Variants in PLCE1 observed in about 807,000 individuals in gnomAD.
PLCE1 encodes phospholipase C epsilon 1.
Under a neutral mutation model 242.8 loss-of-function variants are expected in PLCE1, and 119 were observed. That is an observed-to-expected ratio of 0.49 (90% CI 0.42 to 0.57). PLCE1 has a LOEUF of 0.57. PLCE1 is among the 20% of genes least tolerant of loss of function. The pLI is 0.00. For missense variants in PLCE1, 2,441 were observed against 2,788.8 expected, an observed-to-expected ratio of 0.88 and a Z score of 2.81; for synonymous variants, 945 against 1,017.4, an observed-to-expected ratio of 0.93 and a Z score of 1.35.
At chr10:94,072,252 ATTTCTTTC>A (rs374238643) in intron 2 of PLCE1, among the ~76,000 whole-genome samples, 2 of 150,938 alleles carry the variant, frequency 1.3e-5, no homozygotes, top group Non-Finnish European at 1.5e-5. Flanking sequence ...TGAATTACCC[ATTTCTTTC>A]TTTCTTTCTT....
At chr10:94,254,001 A>G (rs990230907) in intron 9 of PLCE1, among the ~76,000 whole-genome samples, 189 bp from the exon 10 acceptor site, 1 of 152,214 alleles carries the variant, frequency 6.6e-6, no homozygotes, top group Non-Finnish European at 1.5e-5. Flanking sequence ...GTACTGCTGT[A>G]TAGTAAAGAA....
intron 4 of PLCE1, among the ~76,000 whole-genome samples, chr10:94,172,796 C>T (rs1255357282): frequency 6.6e-6 from 1 of 152,164 alleles, no homozygotes; most frequent in Admixed American, 6.6e-5. Context: ...CATTATACTC[C>T]AGCCTGGGTG....
At chr10:94,181,722 T>A (rs576636345) in intron 4 of PLCE1, among the ~76,000 whole-genome samples, 338 of 152,042 alleles carry the variant, frequency 2.2e-3, no homozygotes, top group South Asian at 8.3e-3. Flanking sequence ...AAACCAGAAG[T>A]TCAAGACCAA....
intron 2 of PLCE1, among the ~76,000 whole-genome samples, chr10:94,101,672 G>A (rs940041042): frequency 6.6e-6 from 1 of 152,294 alleles, no homozygotes. Flanking sequence ...AAGATGTGCC[G>A]GAGTGATGGT....
intron 2 of PLCE1, among the ~76,000 whole-genome samples, chr10:94,116,976 AC>A (rs2046151634): frequency 6.6e-6 from 1 of 151,914 alleles, no homozygotes. Flanking sequence ...TTCCCTGTCC[AC>A]TCCCAGGACC....
chr10:94,157,758 G>A (rs1324416972), intron 3 of PLCE1, among the ~76,000 whole-genome samples: 2 of 152,226 alleles, frequency 1.3e-5, no homozygotes, highest in African/African-American at 2.4e-5. Context: ...TTCAGCCCAA[G>A]TCCTGCCTCA....
chr10:94,155,223 A>G (rs1408289194), intron 3 of PLCE1, among the ~76,000 whole-genome samples: 1 of 152,206 alleles, frequency 6.6e-6, no homozygotes, highest in Non-Finnish European at 1.5e-5. Context: ...CAAAAAATGT[A>G]AACAAACCAA....
chr10:94,204,802 G>A (rs1167147626), intron 4 of PLCE1, among the ~76,000 whole-genome samples: 61 of 37,078 alleles, frequency 1.6e-3, no homozygotes, highest in African/African-American at 5.0e-3. Context: ...AAGGAAGGAA[G>A]CAAAATAATG....
intron 3 of PLCE1, among the ~76,000 whole-genome samples, chr10:94,153,615 A>T (rs376582876): frequency 2.0e-5 from 3 of 152,164 alleles, no homozygotes; most frequent in Non-Finnish European, 4.4e-5. Flanking sequence ...CTATTATCAG[A>T]TGATCTACTC....
At chr10:94,192,349 T>TC (rs2048694177) in intron 4 of PLCE1, among the ~76,000 whole-genome samples, 1 of 152,138 alleles carries the variant, frequency 6.6e-6, no homozygotes, top group African/African-American at 2.4e-5. Context: ...CTCCCTCTCT[T>TC]CCCCCTCTAG....
Position 94,306,117 on chromosome 10 carries a change from G to A in PLCE1, c.5623-310G>A, listed in dbSNP as rs1277577837. Among the ~76,000 whole-genome samples the A allele has an allele frequency of 2.0e-5, 3 of 151,760 alleles. No individual in the cohort carries two copies. The highest frequency in any genetic ancestry group is 2.9e-5 in the Non-Finnish European group (2 of 67,966). Reference sequence around the variant, plus strand: ...CTCCCTAATAGCTGGGACTACAGGCGCACACCACCATGCCCAGCTAATTTT... The same window carrying A: ...CTCCCTAATAGCTGGGACTACAGGCACACACCACCATGCCCAGCTAATTTT... On this transcript the variant is annotated intron_variant, in intron 25 of 32. Transcript: ENST00000371380. This position sits in a 1 kb window ranked among gnomAD's most constrained non-coding sequence, Gnocchi z 5.7.
rs536696932 is a variant in PLCE1 at position 94,291,375 on chromosome 10, C to G, written c.5036-2133C>G. Among the ~76,000 whole-genome samples the G allele has an allele frequency of 6.6e-5, 10 of 152,240 alleles. No homozygotes were observed. The South Asian group carries it at 2.1e-3, about 32-fold the overall frequency. On this transcript the variant is annotated intron_variant, in intron 22 of 32. Transcript: ENST00000371380. The stretch of plus-strand genomic sequence containing the variant: ...TTAGTCATGTCAGATGTTCCAACAT[C>G]TATATCTAAAATAAGCATTCTTATT...
chr10:94,313,551 A>C (rs912226498), intron 28 of PLCE1, among the ~76,000 whole-genome samples, 169 bp downstream of exon 28: 1 of 152,208 alleles, frequency 6.6e-6, no homozygotes, highest in African/African-American at 2.4e-5. Context: ...CAACATTGAG[A>C]TCCACTCCAA....
At position 94,298,772 on chromosome 10, in the gene PLCE1, A is replaced by G. The variant is rs780719607; in HGVS notation, c.5458+103A>G. On this transcript the variant is annotated intron_variant, in intron 24 of 32. Transcript: ENST00000371380. The surrounding 1 kb of genome is among the most constrained non-coding windows in gnomAD (Gnocchi z 5.2). ...GGGGCAAGATTCCAGACTGGGGCAC[A>G]CCATATGTGAGAGTAAAAATATGAT... is the stretch of plus-strand genomic sequence containing the variant. The G allele has an allele frequency of 6.2e-6, 7 of 1,137,552 alleles. No homozygotes were observed. Among genetic ancestry groups the G allele is most frequent in the Non-Finnish European group, 9.3e-6 (7 of 753,098 alleles). The allele number at this position is 1,137,552 out of a possible 1,614,324, so 70.5% of individuals were successfully genotyped here.
At chr10:94,262,849 A>G in intron 14 of PLCE1, 117 bp downstream of exon 14, 1 of 842,256 alleles carries the variant, frequency 1.2e-6, no homozygotes, top group Non-Finnish European at 2.0e-6. Context: ...TCTGGGACAG[A>G]TATACAGTTT....
chr10:94,057,724 T>C (rs1267674943), intron 2 of PLCE1, among the ~76,000 whole-genome samples: 3 of 152,278 alleles, frequency 2.0e-5, no homozygotes. Flanking sequence ...CTTTAAACAA[T>C]AGAAATTTAT....
chr10:94,291,732 G>A (rs546548382), intron 22 of PLCE1, among the ~76,000 whole-genome samples: 4 of 152,226 alleles, frequency 2.6e-5, no homozygotes, highest in East Asian at 3.9e-4. Flanking sequence ...GTGAAATGCC[G>A]TCTCTACTAA....
intron 3 of PLCE1, among the ~76,000 whole-genome samples, chr10:94,164,902 C>T (rs188674360): frequency 1.3e-5 from 2 of 152,230 alleles, no homozygotes; most frequent in African/African-American, 4.8e-5. Context: ...GAGGTCCACT[C>T]TGGACCCTGT....
At chr10:94,284,265 T>C (rs1243065036) in intron 21 of PLCE1, among the ~76,000 whole-genome samples, 1 of 152,184 alleles carries the variant, frequency 6.6e-6, no homozygotes, top group Non-Finnish European at 1.5e-5. Flanking sequence ...TCAGGGAAGA[T>C]GAGGTTTCAG....
Sources: allele counts gnomAD v4.1 joint callset (sites outside exome capture counted in the v4.1 genomes callset), GRCh38; gene constraint gnomAD v4.1.1; non-coding constraint Gnocchi (gnomAD v3.1); transcripts MANE v1.5; gene names NCBI Gene and HGNC (gene_info 2026-07-23, HGNC 2026-07-21).